The following BMPR1B variants were observed in gnomAD, a reference collection of about 807,000 sequenced individuals.
BMPR1B encodes bone morphogenetic protein receptor type-1B.
Under a neutral mutation model 59.1 loss-of-function variants are expected in BMPR1B, and 12 were observed. The observed-to-expected ratio is 0.20, with a 90% confidence interval of 0.13 to 0.33. BMPR1B has a LOEUF of 0.33. Ranked by LOEUF, BMPR1B falls within the 10% of genes least tolerant of loss-of-function variation. The pLI, the probability that BMPR1B is intolerant of heterozygous loss-of-function variation, is 1.00. For missense variants in BMPR1B, 550 were observed against 610.9 expected (o/e 0.90, Z 1.05); for synonymous variants, 237 against 207.3 (o/e 1.14, Z -1.23).
intron 2 of BMPR1B, among the ~76,000 whole-genome samples, chr4:94,895,610 T>A (rs1413451433): frequency 6.6e-6 from 1 of 151,844 alleles, no homozygotes; most frequent in African/African-American, 2.4e-5. Flanking sequence ...AAATGTGAAC[T>A]TATGACACTT....
intron 3 of BMPR1B, among the ~76,000 whole-genome samples, chr4:95,101,222 G>A (rs1276997458): frequency 6.6e-6 from 1 of 152,148 alleles, no homozygotes. Context: ...AAGGTGAACT[G>A]GAGGAGGCAA....
At chr4:94,852,434 G>T (rs1544387) in intron 1 of BMPR1B, among the ~76,000 whole-genome samples, 91,475 of 151,016 alleles carry the variant, frequency 0.61, 28,469 homozygotes, top group African/African-American at 0.76. Flanking sequence ...ATAGATTAAA[G>T]AATCTAAATT....
chr4:94,887,626 C>T (rs1727235605), intron 2 of BMPR1B, among the ~76,000 whole-genome samples: 1 of 151,430 alleles, frequency 6.6e-6, no homozygotes, highest in African/African-American at 2.4e-5. Context: ...AGATAAATTA[C>T]AGAACACCCA....
chr4:95,098,925 C>A (rs778988273), intron 3 of BMPR1B, among the ~76,000 whole-genome samples: 2 of 152,070 alleles, frequency 1.3e-5, no homozygotes, highest in Non-Finnish European at 2.9e-5. Context: ...ACCGTGTTAG[C>A]CAGGATGGTC....
intron 1 of BMPR1B, among the ~76,000 whole-genome samples, chr4:94,838,524 T>C (rs1578701849): frequency 2.3e-5 from 3 of 132,762 alleles, no homozygotes; most frequent in Admixed American, 7.4e-5. Flanking sequence ...CCATTTCTTC[T>C]AGATTTTCTA....
intron 2 of BMPR1B, among the ~76,000 whole-genome samples, chr4:94,915,711 G>A (rs974438973): frequency 6.6e-6 from 1 of 152,166 alleles, no homozygotes; most frequent in Admixed American, 6.5e-5. Context: ...GCTTGTTTGT[G>A]TATGTGTACA....
chr4:94,969,174 AC>A (rs1435173680), intron 2 of BMPR1B, among the ~76,000 whole-genome samples: 1 of 151,976 alleles, frequency 6.6e-6, no homozygotes, highest in Non-Finnish European at 1.5e-5. Flanking sequence ...AGCTGGGACT[AC>A]ATGTGCCCGC....
chr4:95,099,032 T>A (rs1730636754), intron 3 of BMPR1B, among the ~76,000 whole-genome samples: 3 of 152,156 alleles, frequency 2.0e-5, no homozygotes, highest in Admixed American at 2.0e-4. Context: ...TATTTTAAAG[T>A]TATCAGGTGA....
chr4:95,145,046 C>T (rs1734544116), intron 10 of BMPR1B, among the ~76,000 whole-genome samples: 1 of 152,070 alleles, frequency 6.6e-6, no homozygotes, highest in Non-Finnish European at 1.5e-5. Flanking sequence ...GTGATATAAA[C>T]ATACACAAAA....
chr4:94,810,329 T>G (rs1365359064), intron 1 of BMPR1B, among the ~76,000 whole-genome samples: 1 of 152,236 alleles, frequency 6.6e-6, no homozygotes, highest in African/African-American at 2.4e-5. Context: ...TATGTGGAAA[T>G]TTGAAAACAA....
intron 11 of BMPR1B, among the ~76,000 whole-genome samples, chr4:95,150,506 T>A (rs560067897): frequency 6.1e-4 from 93 of 151,786 alleles, no homozygotes; most frequent in Non-Finnish European, 1.1e-3. Flanking sequence ...AATATGCTTA[T>A]ACTTAATTAA....
At chr4:95,052,501 T>G (rs1288354373) in intron 3 of BMPR1B, among the ~76,000 whole-genome samples, 2 of 152,162 alleles carry the variant, frequency 1.3e-5, no homozygotes, top group Non-Finnish European at 2.9e-5. Context: ...AAGGAAATAA[T>G]GGCTTTATAA....
chr4:95,003,378 G>T (rs1452844250), intron 3 of BMPR1B, among the ~76,000 whole-genome samples: 1 of 151,780 alleles, frequency 6.6e-6, no homozygotes, highest in Non-Finnish European at 1.5e-5. Context: ...TACCTTTCAG[G>T]TTGTTTTGCA....
At chr4:94,819,605 A>G (rs892396220) in intron 1 of BMPR1B, among the ~76,000 whole-genome samples, 5 of 152,148 alleles carry the variant, frequency 3.3e-5, no homozygotes, top group Admixed American at 1.3e-4. Flanking sequence ...TGTGTAAACA[A>G]GTTCTTCTCC....
intron 1 of BMPR1B, among the ~76,000 whole-genome samples, chr4:94,872,053 T>C (rs1200853300): frequency 6.6e-6 from 1 of 152,238 alleles, no homozygotes; most frequent in Non-Finnish European, 1.5e-5. Context: ...CTTAATGCTA[T>C]CTTTATAATC....
At position 94,930,089 on chromosome 4, in the gene BMPR1B, T is replaced by C. The variant is rs1234986649; in HGVS notation, c.-113+54189T>C. 3.3e-5 allele frequency among the ~76,000 whole-genome samples: 5 copies of C among 152,038 alleles called. No individual in the cohort carries two copies. The East Asian group carries it at 9.7e-4, about 29-fold the overall frequency. On this transcript the variant is annotated intron_variant, in intron 2 of 12. Transcript: ENST00000515059. ...ACTAAGACTGTTTAGGATTACATCG[T>C]TTTTCACCGGAATCACCACAACTAT...
intron 2 of BMPR1B, among the ~76,000 whole-genome samples, chr4:94,908,097 A>G (rs888304671): frequency 4.9e-5 from 7 of 143,682 alleles, no homozygotes; most frequent in Non-Finnish European, 1.1e-4. Flanking sequence ...AAAAGAAAAA[A>G]CAAAAAAAAG....
intron 3 of BMPR1B, among the ~76,000 whole-genome samples, chr4:95,014,519 T>C (rs970776534): frequency 6.6e-6 from 1 of 152,170 alleles, no homozygotes; most frequent in East Asian, 1.9e-4. Context: ...AGAATTTTTC[T>C]TTGGTTTATA....
rs190638429 is a variant in BMPR1B at position 95,078,810 on chromosome 4, T to C, written c.-17-25598T>C. Among the ~76,000 whole-genome samples the C allele has an allele frequency of 6.0e-3, 914 of 152,286 alleles. 10 individuals carry two copies. The highest frequency in any genetic ancestry group is 0.021 in the African/African-American group (879 of 41,552). ...TCTTGCTCTGCTACCCAGGCTGGAG[T>C]GCAGTGGCACAATCACAGCTCGCTG... On this transcript the variant is annotated intron_variant, in intron 3 of 12. Coordinates refer to ENST00000515059, the MANE Select transcript of BMPR1B (RefSeq NM_001203.3).
Sources: allele counts gnomAD v4.1 joint callset (sites outside exome capture counted in the v4.1 genomes callset), GRCh38; gene constraint gnomAD v4.1.1; transcripts MANE v1.5; gene names NCBI Gene and HGNC (gene_info 2026-07-23, HGNC 2026-07-21).